Variants in HR observed in about 807,000 individuals in gnomAD.
HR encodes lysine-specific demethylase hairless.
HR carries 83 observed loss-of-function variants against 128.6 expected under a neutral mutation model. The observed-to-expected ratio is 0.65, with a 90% CI of 0.54 to 0.77. The LOEUF (loss-of-function observed/expected upper bound fraction) is 0.77. Ranked by LOEUF, HR falls within the 30% of genes least tolerant of loss-of-function variation. The pLI is 0.00. For missense variants in HR, 1,490 were observed against 1,574.6 expected (o/e 0.95, Z 0.91); for synonymous variants, 681 against 658.2 (o/e 1.03, Z -0.53).
At position 22,127,115 on chromosome 8, in the gene HR, C is replaced by G; in HGVS notation, c.1327G>C (p.Ala443Pro). 6.2e-7 allele frequency: 1 copy of G among 1,610,802 alleles called. No individual in the cohort carries two copies. The highest frequency in any genetic ancestry group is 8.5e-7 in the Non-Finnish European group (1 of 1,178,552). Reference sequence around the variant, plus strand: ...TCCCGCACCTCCTGCCAACCCCCAGCCCCCTGTTCTGCAGTGCCTGGAAAA... The same window carrying G: ...TCCCGCACCTCCTGCCAACCCCCAGGCCCCTGTTCTGCAGTGCCTGGAAAA... ...DPFPGTAEQGAGGWQEVRDTS... is the reference protein window; with the variant it reads ...DPFPGTAEQGPGGWQEVRDTS... The change falls in exon 3 of 19, where the codon GCT becomes CCT. Residue 443 changes from alanine to proline, a missense_variant. Physicochemically the swap from Ala to Pro is conservative, Grantham distance 27. This residue lies in a region of HR where 1,060 missense variants were observed against 1,060.9 expected (regional missense o/e 1.00). Transcript: ENST00000381418.
intron 11 of HR, 95 bp downstream of exon 11, chr8:22,120,621 C>T: frequency 6.4e-7 from 1 of 1,574,560 alleles, no homozygotes; most frequent in Non-Finnish European, 8.6e-7. Flanking sequence ...CTCCTGCTCC[C>T]CCTGAGCCAC....
In HR at chr8:22,120,117, C is replaced by T. The variant is rs1826698643; in HGVS notation, c.2833G>A (p.Glu945Lys). ...TGACATACACACCTGCTGGTGTCCTCATCCCCCAAAGCTCGGTGCAGCAGG... is the reference window on the plus strand; with the variant it reads ...TGACATACACACCTGCTGGTGTCCTTATCCCCCAAAGCTCGGTGCAGCAGG... ...VLLLHRALGD[E>K]DTSRVENLAA... Residue 945 changes from glutamate (E) to lysine (K), a missense_variant, in exon 13 of 19, where the codon GAG (glutamate) becomes AAG (lysine). Coordinates refer to ENST00000381418, the MANE Select transcript of HR (RefSeq NM_005144.5). 1 of 1,589,450 alleles carries T rather than the reference C, an allele frequency of 6.3e-7. No homozygotes were observed. Among genetic ancestry groups the T allele is most frequent in the South Asian group, 1.1e-5 (1 of 87,318 alleles).
At chr8:22,115,830 TACTTAA>T in intron 18 of HR, 68 bp from the exon 19 acceptor site, 1 of 1,477,192 alleles carries the variant, frequency 6.8e-7, no homozygotes, top group Non-Finnish European at 9.4e-7. Context: ...TCCCCCACCC[TACTTAA>T]AAGGAATACT....
intron 3 of HR, among the ~76,000 whole-genome samples, chr8:22,125,974 G>A (rs115201107): frequency 0.015 from 2,291 of 152,292 alleles, 54 homozygotes; most frequent in African/African-American, 0.053. Context: ...GAGGTTGTCT[G>A]GTGTGTTGAG....
rs943235073 is a variant in HR at position 22,121,568 on chromosome 8, C to T, written c.2203+45G>A. ...TCCCCTCCTGCCTCAAACTCTGGCC[C>T]AGCCTCCCTCTTGCACAGGCCGAGG... On this transcript the variant is annotated intron_variant, in intron 9 of 18. Coordinates refer to ENST00000381418, the MANE Select transcript of HR (RefSeq NM_005144.5). 8 of 1,602,664 alleles carry T rather than the reference C, an allele frequency of 5.0e-6. No individual in the cohort carries two copies. In the Admixed American group the frequency reaches 5.0e-5, roughly 10 times the overall value.
In HR at chr8:22,117,034, G is replaced by T; in HGVS notation, c.3219C>A (p.Cys1073Ter). The change falls in exon 17 of 19, where the codon TGC (cysteine) becomes TGA (stop). Residue 1073 changes from cysteine (C) to a stop codon, truncating the protein, a stop_gained. Coordinates refer to ENST00000381418, the MANE Select transcript of HR (RefSeq NM_005144.5). LOFTEE classifies it high-confidence loss of function. ...GCTCCAGGGCGCCTGCCCCGGCCGG[G>T]CACACCTCAAAGAAGAGAAGGGGGA... Reference protein sequence around the residue: ...QRIRRFLQMVCPAGAGALEPG... With the variant: ...QRIRRFLQMV The T allele has an allele frequency of 6.7e-7, 1 of 1,501,190 alleles. No homozygotes were observed. The highest frequency in any genetic ancestry group is 8.8e-7 in the Non-Finnish European group (1 of 1,131,688). 93.0% of individuals were successfully genotyped at this position (1,501,190 alleles called of 1,614,324 possible).
At chr8:22,125,230 G>A in intron 5 of HR, 81 bp downstream of exon 5, 2 of 1,420,298 alleles carry the variant, frequency 1.4e-6, no homozygotes, top group African/African-American at 1.4e-5. Context: ...CTAGGAGCTG[G>A]CAGTGTGGGT....
At chr8:22,123,543 T>C in intron 6 of HR, 106 bp downstream of exon 6, 1 of 1,126,300 alleles carries the variant, frequency 8.9e-7, no homozygotes, top group East Asian at 2.6e-5. Flanking sequence ...GGCTGTGCAG[T>C]GGGTAGGGGG....
In HR at chr8:22,127,416, C is replaced by T. The variant is rs1826925456; in HGVS notation, c.1026G>A (p.Gly342=). 6.2e-7 allele frequency: 1 copy of T among 1,613,180 alleles called. No homozygotes were observed. Among genetic ancestry groups the T allele is most frequent in the Non-Finnish European group, 8.5e-7 (1 of 1,179,802 alleles). Residue 342 remains glycine (G), a synonymous_variant, in exon 3 of 19, where the codon GGG becomes GGA. Coordinates refer to ENST00000381418, the MANE Select transcript of HR (RefSeq NM_005144.5). ...PTKGGGLGPC[G]KCQEGLEGGA... ...CCCCCTCCAGGCCCTCCTGGCACTT[C>T]CCACAAGGGCCAAGACCCCCACCTT...
chr8:22,125,731 T>G lies in HR; in HGVS notation c.1407A>C (p.Gly469=). 9 of 1,613,410 alleles carry G rather than the reference T, an allele frequency of 5.6e-6. No homozygotes were observed. Among genetic ancestry groups the G allele is most frequent in the Non-Finnish European group, 7.6e-6 (9 of 1,179,930 alleles). The change falls in exon 4 of 19, where the codon GGA becomes GGC. Residue 469 remains glycine, a splice_region_variant and synonymous_variant. Transcript: ENST00000381418. The part of the protein sequence containing the change: ...VDSGQHDEQK[G]PQDGQASLQD... ...GGAGACTGGCCTGGCCATCTTGGGG[T>G]CCTGAGGGGACAATGCAGAGGTCAG...
Position 22,119,776 on chromosome 8 carries a change from C to T in HR, c.2961G>A (p.Gln987=), listed in dbSNP as rs199743172. The T allele has an allele frequency of 2.0e-5, 33 of 1,612,028 alleles. No individual in the cohort carries two copies. The Middle Eastern group carries it at 1.3e-3, about 64-fold the overall frequency. The change falls in exon 14 of 19, where the codon CAG becomes CAA. Residue 987 remains glutamine, a synonymous_variant. Transcript: ENST00000381418. ...PGLALRPLEP[Q]LWAAYGVSPH... ...GACACTCACCATAGGCTGCCCAGAG[C>T]TGGGGCTCCAGTGGACGCAGGGCAA...
intron 8 of HR, 21 bp from the exon 9 acceptor site, chr8:22,121,715 C>CA (rs1826760321): frequency 1.9e-6 from 3 of 1,608,520 alleles, no homozygotes; most frequent in African/African-American, 1.3e-5. Context: ...CATCCACCAC[C>CA]CCCCCAATCC....
In HR at chr8:22,120,258, C is replaced by T. The variant is rs76857527; in HGVS notation, c.2776+84G>A. 952 of 1,609,392 alleles carry T rather than the reference C, an allele frequency of 5.9e-4. 7 individuals carry two copies. In the African/African-American group the frequency reaches 0.012, roughly 20 times the overall value. ...GCAGCAACACCTGCTTCCAGCCCCT[C>T]GGGGTCACCCTGGGACTCCTCTGCC... On this transcript the variant is annotated intron_variant, in intron 12 of 18. Transcript: ENST00000381418.
intron 16 of HR, chr8:22,118,634 G>A (rs557512308): frequency 2.3e-6 from 1 of 426,068 alleles, no homozygotes; most frequent in South Asian, 2.5e-5. Flanking sequence ...GCCTCATGGG[G>A]CGGGGGGCTG....
chr8:22,119,627 AAAAAG>A, intron 14 of HR, 128 bp downstream of exon 14: 12 of 1,240,464 alleles, frequency 9.7e-6, no homozygotes, highest in South Asian at 1.6e-5. Flanking sequence ...AAAAAAAAAA[AAAAAG>A]AAAGAAAGAA....
chr8:22,126,105 C>G (rs550193341), intron 3 of HR, among the ~76,000 whole-genome samples: 5 of 152,212 alleles, frequency 3.3e-5, no homozygotes, highest in Non-Finnish European at 7.3e-5. Flanking sequence ...CATGAGGAGA[C>G]AATCCCAACG....
In HR at chr8:22,127,393, C is replaced by G; in HGVS notation, c.1049G>C (p.Gly350Ala). Residue 350 changes from glycine to alanine, a missense_variant, in exon 3 of 19, where the codon GGG (glycine) becomes GCG (alanine). Transcript: ENST00000381418. ...GGGTTCGCTGGCTCCACTGGCACCC[C>G]CCTCCAGGCCCTCCTGGCACTTCCC... Reference protein sequence around the residue: ...PCGKCQEGLEGGASGASEPSE... With the variant: ...PCGKCQEGLEAGASGASEPSE... 1 of 1,613,288 alleles carries G rather than the reference C, an allele frequency of 6.2e-7. No homozygotes were observed.
rs1826587440 is a variant in HR, at chr8:22,116,395, G to A, written c.3412C>T (p.Gln1138Ter). 1 of 1,613,682 alleles carries A rather than the reference G, an allele frequency of 6.2e-7. No homozygotes were observed. Among genetic ancestry groups the A allele is most frequent in the Admixed American group, 1.7e-5 (1 of 59,988 alleles). The change falls in exon 18 of 19, where the codon CAG becomes TAG. Residue 1138 changes from glutamine to a stop codon, truncating the protein, a stop_gained. Transcript: ENST00000381418. LOFTEE classifies it high-confidence loss of function. The surrounding 1 kb of genome is among the most constrained non-coding windows in gnomAD (Gnocchi z 4.2). ...QGLVSTVSVT[Q>*]HFLSPETSAL... ...GAGGTCTCAGGGGAGAGGAAGTGCTGAGTGACGCTGACTGTGCTCACCAGG... is the reference window on the plus strand; with the variant it reads ...GAGGTCTCAGGGGAGAGGAAGTGCTAAGTGACGCTGACTGTGCTCACCAGG...
intron 2 of HR, chr8:22,128,228 C>A: frequency 1.9e-6 from 1 of 522,004 alleles, no homozygotes; most frequent in Non-Finnish European, 3.5e-6. Flanking sequence ...ACATCCCAGT[C>A]TCAGATAGAG....
Sources: allele counts gnomAD v4.1 joint callset (sites outside exome capture counted in the v4.1 genomes callset), GRCh38; gene constraint gnomAD v4.1.1; regional missense constraint gnomAD v4.1.1; non-coding constraint Gnocchi (gnomAD v3.1); transcripts MANE v1.5; gene names NCBI Gene and HGNC (gene_info 2026-07-23, HGNC 2026-07-21).